Variants in NRXN1 observed in about 807,000 individuals in gnomAD.
NRXN1 encodes the protein neurexin-1.
A neutral mutation model predicts 150.9 loss-of-function variants in NRXN1; 39 were observed. The observed-to-expected ratio is 0.26, with a 90% confidence interval of 0.20 to 0.34. The LOEUF is 0.34. Among genes scored for constraint, NRXN1 ranks in the 10% least tolerant of loss-of-function variants. The pLI, the probability that NRXN1 is intolerant of heterozygous loss-of-function variation, is 1.00. For missense variants in NRXN1, 1,815 were observed against 1,949.9 expected (o/e 0.93, Z 1.30); for synonymous variants, 924 against 757.0 (o/e 1.22, Z -3.62).
At chr2:50,496,738 T>C (rs1296899246) in intron 14 of NRXN1, among the ~76,000 whole-genome samples, 1 of 152,214 alleles carries the variant, frequency 6.6e-6, no homozygotes. Flanking sequence ...CAGAAGTATA[T>C]ATATTTATAT....
rs779677425 is a variant in NRXN1 at position 50,583,050 on chromosome 2, G to GT, written c.1321-30026dup. Among the ~76,000 whole-genome samples the GT allele has an allele frequency of 5.2e-3, 748 of 144,332 alleles. 5 individuals carry two copies. Among genetic ancestry groups the GT allele is most frequent in the Non-Finnish European group, 5.7e-3 (376 of 65,566 alleles). The allele number at this position is 144,332 out of a possible 152,430, so 94.7% of individuals were successfully genotyped here. A position where few individuals can be genotyped will look rare whatever the true frequency, so the allele number is the denominator to read the frequency against. On this transcript the variant is annotated intron_variant, in intron 8 of 22. Coordinates refer to ENST00000401669, the MANE Select transcript of NRXN1 (RefSeq NM_001330078.2). The stretch of plus-strand genomic sequence containing the variant: ...ATTCAATACTTTCACCTCCCACCTA[G>GT]TTTTTTTTTTTTCTTTTAGAGACAA...
chr2:50,660,033 T>C (rs1338652370), intron 5 of NRXN1, among the ~76,000 whole-genome samples: 1 of 151,998 alleles, frequency 6.6e-6, no homozygotes, highest in Non-Finnish European at 1.5e-5. Flanking sequence ...TCTAGAACAG[T>C]GCTTGGTGTT....
intron 5 of NRXN1, among the ~76,000 whole-genome samples, chr2:50,892,841 C>A (rs1323630242): frequency 6.6e-6 from 1 of 152,166 alleles, no homozygotes; most frequent in Non-Finnish European, 1.5e-5. Flanking sequence ...TTTATTTCAA[C>A]AACTTACTGT....
At chr2:50,621,141 G>T in intron 7 of NRXN1, 85 bp downstream of exon 7, 1 of 1,258,518 alleles carries the variant, frequency 7.9e-7, no homozygotes, top group Non-Finnish European at 1.1e-6. Flanking sequence ...GATGTCTACA[G>T]TTAAAAGAAA....
At chr2:50,918,733 C>T (rs1371926708) in intron 5 of NRXN1, 1 of 326,022 alleles carries the variant, frequency 3.1e-6, no homozygotes, top group African/African-American at 2.1e-5. Context: ...AGAGAAAAGA[C>T]ATACTTCATT....
intron 18 of NRXN1, among the ~76,000 whole-genome samples, chr2:50,186,209 T>C (rs753102208): frequency 6.6e-6 from 1 of 152,020 alleles, no homozygotes; most frequent in Non-Finnish European, 1.5e-5. Flanking sequence ...CTGATAACAA[T>C]ACCATCCTTT....
intron 5 of NRXN1, among the ~76,000 whole-genome samples, chr2:50,680,179 C>T (rs1400073603): frequency 1.3e-5 from 2 of 152,040 alleles, no homozygotes; most frequent in Non-Finnish European, 2.9e-5. Context: ...AACAACATTA[C>T]ATCTATTACT....
chr2:50,719,327 T>TA lies in NRXN1; in HGVS notation c.833-95713dup, dbSNP rs908714623. ...TCATCAGTATATTCAAGCAAAAAATTAAAAAAAAAAACAAGTATTTCTATT... is the reference window on the plus strand; with the variant it reads ...TCATCAGTATATTCAAGCAAAAAATTAAAAAAAAAAAACAAGTATTTCTATT... On this transcript the variant is annotated intron_variant, in intron 5 of 22. Coordinates refer to ENST00000401669, the MANE Select transcript of NRXN1 (RefSeq NM_001330078.2). 4.5e-3 allele frequency among the ~76,000 whole-genome samples: 655 copies of TA among 145,070 alleles called. 2 individuals carry two copies. The highest frequency in any genetic ancestry group is 4.8e-3 in the African/African-American group (192 of 39,662).
chr2:50,611,773 G>A (rs1473494018), intron 8 of NRXN1, among the ~76,000 whole-genome samples: 1 of 152,182 alleles, frequency 6.6e-6, no homozygotes, highest in African/African-American at 2.4e-5. Context: ...GGAAAAGTGT[G>A]CAGGCTGCCA....
chr2:50,753,228 T>C (rs1222216459), intron 5 of NRXN1, among the ~76,000 whole-genome samples: 2 of 151,950 alleles, frequency 1.3e-5, no homozygotes, highest in Non-Finnish European at 2.9e-5. Flanking sequence ...TTCAATATGG[T>C]TATAATTGTA....
At chr2:50,287,346 G>A (rs779413615) in intron 17 of NRXN1, among the ~76,000 whole-genome samples, 26 of 152,074 alleles carry the variant, frequency 1.7e-4, no homozygotes, top group Non-Finnish European at 3.5e-4. Flanking sequence ...ATTAGTGCTG[G>A]AAAGCATGAA....
chr2:50,211,035 T>C (rs1300541707), intron 18 of NRXN1, among the ~76,000 whole-genome samples: 1 of 151,656 alleles, frequency 6.6e-6, no homozygotes, highest in African/African-American at 2.4e-5. Context: ...AGCTTTTGAA[T>C]AATCTCTATC....
At chr2:50,797,403 G>T (rs1706986024) in intron 5 of NRXN1, among the ~76,000 whole-genome samples, 2 of 152,178 alleles carry the variant, frequency 1.3e-5, no homozygotes, top group Admixed American at 1.3e-4. Flanking sequence ...CAAAGATGGA[G>T]GGGAGGAGGA....
intron 17 of NRXN1, among the ~76,000 whole-genome samples, chr2:50,413,163 A>G (rs1327500923): frequency 6.6e-6 from 1 of 152,198 alleles, no homozygotes; most frequent in Non-Finnish European, 1.5e-5. Context: ...AGAATGGGAG[A>G]AACTATTTGC....
intron 19 of NRXN1, among the ~76,000 whole-genome samples, chr2:50,084,950 T>G (rs1263682028): frequency 6.6e-6 from 1 of 152,200 alleles, no homozygotes; most frequent in Non-Finnish European, 1.5e-5. Flanking sequence ...GTTCATTATG[T>G]TTCATCATTT....
chr2:50,896,515 G>T (rs1361865301), intron 5 of NRXN1, among the ~76,000 whole-genome samples: 2 of 152,110 alleles, frequency 1.3e-5, no homozygotes, highest in Non-Finnish European at 2.9e-5. Flanking sequence ...TTGGGAGGGT[G>T]GGAGACAAGT....
intron 17 of NRXN1, among the ~76,000 whole-genome samples, chr2:50,238,756 T>C (rs946214780): frequency 4.6e-5 from 7 of 151,990 alleles, no homozygotes; most frequent in African/African-American, 1.4e-4. Context: ...CACAGGCCTT[T>C]GAGAAATTCC....
At chr2:51,008,999 A>C (rs1292832241) in intron 2 of NRXN1, among the ~76,000 whole-genome samples, 2 of 151,936 alleles carry the variant, frequency 1.3e-5, no homozygotes, top group Non-Finnish European at 2.9e-5. Context: ...ATTTGTGGAA[A>C]GGCAAAAATT....
chr2:50,316,551 A>G (rs2075623199), intron 17 of NRXN1, among the ~76,000 whole-genome samples: 1 of 152,108 alleles, frequency 6.6e-6, no homozygotes, highest in South Asian at 2.1e-4. Context: ...TTAGGATAAT[A>G]TTTTTACATA....
Sources: gnomAD v4.1 joint callset for allele counts (sites outside exome capture counted in the v4.1 genomes callset) on GRCh38, gnomAD v4.1.1 for gene constraint, MANE v1.5 for transcripts, NCBI Gene and HGNC (gene_info 2026-07-23, HGNC 2026-07-21) for gene names.